MSH3: variants seen among roughly 807,000 people sequenced by gnomAD.
MSH3 encodes the protein mutS homolog 3, also known as DNA mismatch repair protein Msh3.
A neutral mutation model predicts 123.3 loss-of-function variants in MSH3; 106 were observed. The observed-to-expected ratio is 0.86, with a 90% CI of 0.73 to 1.01. MSH3 has a LOEUF of 1.01. MSH3 is among the 50% of genes least tolerant of loss of function. The pLI is 0.00. For synonymous variants in MSH3, 515 were observed against 481.4 expected (o/e 1.07, Z -0.91); for missense variants, 1,459 against 1,347.6 (o/e 1.08, Z -1.29).
At chr5:80,795,196 C>T (rs1386018792) in intron 19 of MSH3, among the ~76,000 whole-genome samples, 4 of 151,982 alleles carry the variant, frequency 2.6e-5, no homozygotes, top group Non-Finnish European at 5.9e-5. Flanking sequence ...TTTGGCTGGC[C>T]ATGAGAGGGG....
intron 7 of MSH3, among the ~76,000 whole-genome samples, chr5:80,676,905 T>C (rs1365696588): frequency 2.0e-5 from 3 of 152,220 alleles, no homozygotes; most frequent in Admixed American, 6.5e-5. Flanking sequence ...GAGTTAACCA[T>C]GTGTGCGAAC....
At chr5:80,822,491 A>G (rs936145820) in intron 20 of MSH3, among the ~76,000 whole-genome samples, 3 of 152,150 alleles carry the variant, frequency 2.0e-5, no homozygotes, top group Admixed American at 1.3e-4. Context: ...CTGTCTTCAT[A>G]TATGTGTGAG....
chr5:80,791,670 A>C (rs1453337641), intron 18 of MSH3, among the ~76,000 whole-genome samples: 2 of 152,218 alleles, frequency 1.3e-5, no homozygotes, highest in Non-Finnish European at 2.9e-5. Context: ...TTAAAGGAAT[A>C]TATTAAATCC....
chr5:80,714,349 A>G (rs1457008894), intron 8 of MSH3, among the ~76,000 whole-genome samples: 3 of 151,652 alleles, frequency 2.0e-5, no homozygotes, highest in Non-Finnish European at 4.4e-5. Context: ...TTGGCCAGGT[A>G]GGTCTGGAAC....
At chr5:80,799,145 C>A (rs759534281) in intron 19 of MSH3, among the ~76,000 whole-genome samples, 3 of 152,164 alleles carry the variant, frequency 2.0e-5, no homozygotes, top group Non-Finnish European at 4.4e-5. Flanking sequence ...TCACAGCCAG[C>A]CCTCACACCC....
chr5:80,854,958 C>T (rs891945429), intron 21 of MSH3, among the ~76,000 whole-genome samples: 18 of 152,056 alleles, frequency 1.2e-4, no homozygotes, highest in African/African-American at 4.3e-4. Flanking sequence ...TCCTTTTTTT[C>T]ACCAACATCC....
chr5:80,738,235 C>T (rs1743548072), intron 10 of MSH3, among the ~76,000 whole-genome samples: 1 of 152,180 alleles, frequency 6.6e-6, no homozygotes, highest in Non-Finnish European at 1.5e-5. Flanking sequence ...TTCTACCCCA[C>T]CCCCTGTATA....
chr5:80,775,764 TTTAAAATAAA>T lies in MSH3; in HGVS notation c.2318+9_2318+18del. On this transcript the variant is annotated splice_region_variant and intron_variant, in intron 16 of 23. Coordinates refer to ENST00000265081, the MANE Select transcript of MSH3 (RefSeq NM_002439.5). ...GATTGGGTAAAGGTTGGAAGGTAGG[TTTAAAATAAA>T]TTTTTTTCTTACAATGCATTATGAT... 1 of 1,565,606 alleles carries T rather than the reference TTTAAAATAAA, an allele frequency of 6.4e-7. No individual in the cohort carries two copies. Among genetic ancestry groups the T allele is most frequent in the Non-Finnish European group, 8.8e-7 (1 of 1,136,432 alleles).
At chr5:80,870,304 C>G (rs1746192021) in intron 22 of MSH3, among the ~76,000 whole-genome samples, 3 of 151,814 alleles carry the variant, frequency 2.0e-5, no homozygotes, top group African/African-American at 7.3e-5. Context: ...ATGAATGAAT[C>G]TTGTTTAGAA....
chr5:80,771,053 G>T (rs527667072), intron 15 of MSH3, among the ~76,000 whole-genome samples: 3 of 152,112 alleles, frequency 2.0e-5, no homozygotes, highest in Non-Finnish European at 4.4e-5. Flanking sequence ...ATGGATTCTT[G>T]TTGGTTTTTA....
intron 17 of MSH3, among the ~76,000 whole-genome samples, chr5:80,781,023 C>G (rs1306405646): frequency 6.6e-6 from 1 of 151,986 alleles, no homozygotes; most frequent in Non-Finnish European, 1.5e-5. Context: ...CAGTCTTTTG[C>G]CCTGAGGAGT....
intron 12 of MSH3, among the ~76,000 whole-genome samples, chr5:80,751,548 G>T (rs981986481): frequency 2.2e-4 from 34 of 152,262 alleles, no homozygotes; most frequent in African/African-American, 8.2e-4. Flanking sequence ...CCTGCTGGTG[G>T]TGTGCTGGCA....
chr5:80,787,777 GT>G, intron 18 of MSH3, 105 bp downstream of exon 18: 1 of 811,340 alleles, frequency 1.2e-6, no homozygotes, highest in Non-Finnish European at 2.1e-6. Context: ...ACTCAAATGT[GT>G]TAGACTCTTG....
chr5:80,843,645 G>A (rs144749911), intron 20 of MSH3, among the ~76,000 whole-genome samples: 1 of 152,280 alleles, frequency 6.6e-6, no homozygotes, highest in African/African-American at 2.4e-5. Context: ...TGGAGTATAT[G>A]TCCTGGAATT....
intron 8 of MSH3, among the ~76,000 whole-genome samples, chr5:80,710,121 G>T (rs765030161): frequency 2.0e-5 from 3 of 152,160 alleles, no homozygotes; most frequent in Non-Finnish European, 4.4e-5. Flanking sequence ...TGTTTTAAAG[G>T]CTTTATGTTT....
chr5:80,747,538 A>G (rs1004716860), intron 12 of MSH3, among the ~76,000 whole-genome samples: 1 of 152,164 alleles, frequency 6.6e-6, no homozygotes, highest in African/African-American at 2.4e-5. Context: ...TTATACTCCT[A>G]ATCTATTAAA....
Position 80,654,905 on chromosome 5 carries a change from G to GCCGCAGCGC in MSH3, c.181_189dup (p.Ala61_Pro63dup), listed in dbSNP as rs1554066076. 102,042 of 1,488,728 alleles carry GCCGCAGCGC rather than the reference G, an allele frequency of 0.069. 4,652 individuals are homozygous for GCCGCAGCGC. Among genetic ancestry groups the GCCGCAGCGC allele is most frequent in the East Asian group, 0.2 (7,644 of 38,906 alleles). The allele number at this position is 1,488,728 out of a possible 1,614,324, so 92.2% of individuals were successfully genotyped here. On this transcript the variant is annotated inframe_insertion, in exon 1 of 24. Coordinates refer to ENST00000265081, the MANE Select transcript of MSH3 (RefSeq NM_002439.5). ...TGCAGCGGCTGCAGCGGCCGCAGCGGCCGCAGCGCCCCCAGCGCCCCCAGC... is the reference window on the plus strand; with the variant it reads ...TGCAGCGGCTGCAGCGGCCGCAGCGGCCGCAGCGCCCGCAGCGCCCCCAGCGCCCCCAGC...
intron 8 of MSH3, among the ~76,000 whole-genome samples, chr5:80,680,047 A>C (rs1392713361): frequency 6.6e-6 from 1 of 151,954 alleles, no homozygotes; most frequent in African/African-American, 2.4e-5. Flanking sequence ...GGATCACCTG[A>C]GGTCAGCAGT....
chr5:80,803,658 G>C lies in MSH3; in HGVS notation c.2656-9926G>C, dbSNP rs553850397. ...TCTCAAGAAGTTATTGCCCAGACCAGTGTTCTGAAGATTTTCCCCAATGTT... is the reference window on the plus strand; with the variant it reads ...TCTCAAGAAGTTATTGCCCAGACCACTGTTCTGAAGATTTTCCCCAATGTT... On this transcript the variant is annotated intron_variant, in intron 19 of 23. Coordinates refer to ENST00000265081, the MANE Select transcript of MSH3 (RefSeq NM_002439.5). 8.6e-5 allele frequency among the ~76,000 whole-genome samples: 13 copies of C among 152,034 alleles called. No individual in the cohort carries two copies. In the South Asian group the frequency reaches 2.3e-3, roughly 27 times the overall value.
Sources: allele counts gnomAD v4.1 joint callset (sites outside exome capture counted in the v4.1 genomes callset), GRCh38; gene constraint gnomAD v4.1.1; transcripts MANE v1.5; gene names NCBI Gene and HGNC (gene_info 2026-07-23, HGNC 2026-07-21).